Variants in LRRC51 observed in about 807,000 individuals in gnomAD.
LRRC51 encodes the protein leucine rich repeat containing 51, also known as leucine-rich repeat-containing protein 51.
In LRRC51, 8 loss-of-function variants were observed where a neutral mutation model predicts 17.8. The observed-to-expected ratio is 0.45, with a 90% CI of 0.26 to 0.81. The LOEUF (loss-of-function observed/expected upper bound fraction) is 0.81. Among genes scored for constraint, LRRC51 ranks in the 30% least tolerant of loss-of-function variants. The probability of loss-of-function intolerance (pLI) is 0.17; values close to 1 mark genes in which losing one functional copy is unlikely to be tolerated. For synonymous variants in LRRC51, 92 were observed against 96.0 expected (o/e 0.96, Z 0.24); for missense variants, 233 against 239.3 (o/e 0.97, Z 0.17).
intron 1 of LRRC51, among the ~76,000 whole-genome samples, chr11:72,084,082 G>A (rs1386110584): frequency 1.3e-5 from 2 of 152,148 alleles, no homozygotes; most frequent in African/African-American, 4.8e-5. Flanking sequence ...CTGCAGCCTC[G>A]AACTCCTGGG....
At chr11:72,081,763 G>T (rs540264078) in intron 1 of LRRC51, among the ~76,000 whole-genome samples, 31 of 152,076 alleles carry the variant, frequency 2.0e-4, no homozygotes, top group South Asian at 4.2e-4. Flanking sequence ...CCTTCTCCGT[G>T]GTCCGCTACT....
Position 72,086,958 on chromosome 11 carries a change from C to G in LRRC51, c.-139-1339C>G, listed in dbSNP as rs1370349346. On this transcript the variant is annotated intron_variant, in intron 1 of 5. Transcript: ENST00000289488. ...GTTCCTCTAGTTCTGTAGTAGACAG[C>G]CAGGTTCCTCTATTTTTACAAAAGA... Among the ~76,000 whole-genome samples the G allele has an allele frequency of 2.6e-5, 4 of 152,284 alleles. No homozygotes were observed. In the East Asian group the frequency reaches 5.8e-4, roughly 22 times the overall value.
chr11:72,087,138 A>AT (rs1188764101), intron 1 of LRRC51, among the ~76,000 whole-genome samples: 1 of 152,162 alleles, frequency 6.6e-6, no homozygotes, highest in African/African-American at 2.4e-5. Context: ...TGGTACTGCT[A>AT]TTTTTTCAGA....
chr11:72,089,395 CCT>C (rs564453771), intron 3 of LRRC51: 74 of 1,452,370 alleles, frequency 5.1e-5, no homozygotes, highest in East Asian at 1.8e-4. Context: ...AACATGTGCC[CCT>C]GTTTGTTTTT....
chr11:72,096,810 A>G lies in LRRC51; in HGVS notation c.*1290A>G. On this transcript the variant is annotated 3_prime_UTR_variant, in exon 6 of 6. Coordinates refer to ENST00000289488, the MANE Select transcript of LRRC51 (RefSeq NM_145309.6). ...ATCTCTGAAACCAGCCCCCACTTCA[A>G]TCAGATCAAAGTAATTCCATTCTGT... The G allele has an allele frequency of 1.5e-6, 2 of 1,366,766 alleles. No homozygotes were observed. Among genetic ancestry groups the G allele is most frequent in the Non-Finnish European group, 1.9e-6 (2 of 1,040,476 alleles). 84.7% of individuals were successfully genotyped at this position (1,366,766 alleles called of 1,614,324 possible).
At chr11:72,083,682 T>C (rs1168634850) in intron 1 of LRRC51, 1 of 152,064 alleles carries the variant, frequency 6.6e-6, no homozygotes, top group Non-Finnish European at 1.5e-5. Flanking sequence ...CAATTACAGA[T>C]TTGAGGATAA....
chr11:72,089,132 G>C lies in LRRC51; in HGVS notation c.49G>C (p.Asp17His). 1 of 1,614,088 alleles carries C rather than the reference G, an allele frequency of 6.2e-7. No homozygotes were observed. Among genetic ancestry groups the C allele is most frequent in the South Asian group, 1.1e-5 (1 of 91,072 alleles). ...MNTSVQEPPL[D>H]YSFRSIHVIQ... ...CACTTCGGTACAGGAGCCCCCTCTT[G>C]ACTACTCCTTCAGAAGCATCCACGT... Residue 17 changes from aspartate (D) to histidine (H), a missense_variant, in exon 3 of 6, where the codon GAC becomes CAC. Asp to His is a moderately conservative substitution (Grantham distance 81). Transcript: ENST00000289488.
chr11:72,087,345 T>C (rs1446656447), intron 1 of LRRC51, among the ~76,000 whole-genome samples: 1 of 146,636 alleles, frequency 6.8e-6, no homozygotes, highest in Non-Finnish European at 1.5e-5. Flanking sequence ...GGTCTTGCTC[T>C]GTCGCCCAGG....
chr11:72,094,796 G>T (rs1346068813), intron 4 of LRRC51, 152 bp from the exon 5 acceptor site: 2 of 1,392,976 alleles, frequency 1.4e-6, no homozygotes, highest in East Asian at 2.3e-5. Flanking sequence ...ATAAATAAAA[G>T]TAGGTTACAG....
At chr11:72,082,604 C>T (rs1226346117) in intron 1 of LRRC51, among the ~76,000 whole-genome samples, 1 of 152,210 alleles carries the variant, frequency 6.6e-6, no homozygotes, top group East Asian at 1.9e-4. Flanking sequence ...AAGCCTGGAT[C>T]TCTTCCAGTG....
intron 1 of LRRC51, among the ~76,000 whole-genome samples, chr11:72,083,528 TG>T (rs1230050591): frequency 6.6e-6 from 1 of 152,170 alleles, no homozygotes; most frequent in African/African-American, 2.4e-5. Flanking sequence ...TTAATGTGTT[TG>T]TTAAGCACCT....
intron 1 of LRRC51, among the ~76,000 whole-genome samples, chr11:72,084,861 CGTGTGTGTGTGT>C (rs55904624): frequency 0.5 from 62,151 of 124,040 alleles, 17,808 homozygotes; most frequent in Non-Finnish European, 0.65. Flanking sequence ...AAAAGAAAAC[CGTGTGTGTGTGT>C]GTGTGTGTGT....
At chr11:72,089,332 T>G in intron 3 of LRRC51, 167 bp downstream of exon 3, 4 of 1,506,020 alleles carry the variant, frequency 2.7e-6, no homozygotes, top group Non-Finnish European at 3.6e-6. Context: ...GGTTTTTTTC[T>G]GTCTTTTTGT....
rs144139038 is a variant in LRRC51, at chr11:72,093,563, G to T, written c.150G>T (p.Leu50=). The T allele has an allele frequency of 1.7e-4, 270 of 1,614,214 alleles. No individual in the cohort carries two copies. The African/African-American group carries it at 3.3e-3, about 20-fold the overall frequency. Residue 50 remains leucine, a synonymous_variant, in exon 4 of 6, where the codon CTG becomes CTT. Coordinates refer to ENST00000289488, the MANE Select transcript of LRRC51 (RefSeq NM_145309.6). ...PLKRSKSGKS[L]TQSLWLNNNV... Reference sequence around the variant, plus strand: ...AGCGTTCAAAGTCGGGGAAATCACTGACCCAGTCCCTGTGGCTGAATAACA... The same window carrying T: ...AGCGTTCAAAGTCGGGGAAATCACTTACCCAGTCCCTGTGGCTGAATAACA...
chr11:72,083,053 C>T (rs553893220), intron 1 of LRRC51, among the ~76,000 whole-genome samples: 381 of 152,226 alleles, frequency 2.5e-3, no homozygotes, highest in Middle Eastern at 0.01. Context: ...TTAGTAGAGA[C>T]GGGGTTTCTC....
Position 72,096,768 on chromosome 11 carries a change from C to T in LRRC51, c.*1248C>T. The stretch of plus-strand genomic sequence containing the variant: ...TGCCTCACAGGCCTCCATGACAGGC[C>T]AAGAAGATGGCCTATGATCTCTGAA... On this transcript the variant is annotated 3_prime_UTR_variant, in exon 6 of 6. Coordinates refer to ENST00000289488, the MANE Select transcript of LRRC51 (RefSeq NM_145309.6). 6.8e-7 allele frequency: 1 copy of T among 1,468,604 alleles called. No individual in the cohort carries two copies. Among genetic ancestry groups the T allele is most frequent in the Admixed American group, 2.4e-5 (1 of 41,648 alleles). 91.0% of individuals were successfully genotyped at this position (1,468,604 alleles called of 1,614,324 possible). A position where few individuals can be genotyped will look rare whatever the true frequency, so the allele number is the denominator to read the frequency against.
intron 3 of LRRC51, chr11:72,089,406 T>C: frequency 6.9e-7 from 1 of 1,446,360 alleles, no homozygotes; most frequent in African/African-American, 1.4e-5. Flanking sequence ...CTGTTTGTTT[T>C]TTTTAAGCAG....
At chr11:72,086,930 TAGGTTCCTCTAGTTCTGTAGTAGACAGCC>T (rs1944563788) in intron 1 of LRRC51, among the ~76,000 whole-genome samples, 1 of 152,224 alleles carries the variant, frequency 6.6e-6, no homozygotes, top group African/African-American at 2.4e-5. Context: ...CTATCTAAGC[TAGGTTCCTCTAGTTCTGTAGTAGACAGCC>T]AGGTTCCTCT....
At chr11:72,085,884 G>A (rs1008837275) in intron 1 of LRRC51, 7 of 152,316 alleles carry the variant, frequency 4.6e-5, no homozygotes, top group African/African-American at 1.2e-4. Flanking sequence ...TGGCTCTTTT[G>A]CATGTCTCTC....
Sources: allele counts gnomAD v4.1 joint callset (sites outside exome capture counted in the v4.1 genomes callset), GRCh38; gene constraint gnomAD v4.1.1; transcripts MANE v1.5; gene names NCBI Gene and HGNC (gene_info 2026-07-23, HGNC 2026-07-21).